PIK3C2G: variants seen among roughly 807,000 people sequenced by gnomAD.
PIK3C2G encodes phosphatidylinositol-4-phosphate 3-kinase catalytic subunit type 2 gamma, also known as phosphatidylinositol 3-kinase C2 domain-containing subunit gamma.
In PIK3C2G, 168 loss-of-function variants were observed where a neutral mutation model predicts 181.1. That is an observed-to-expected ratio of 0.93 (90% CI 0.82 to 1.05). PIK3C2G has a LOEUF of 1.05. Among genes scored for constraint, PIK3C2G ranks in the 50% least tolerant of loss-of-function variants. The pLI, the probability that PIK3C2G is intolerant of heterozygous loss-of-function variation, is 0.00. For missense variants in PIK3C2G, 1,869 were observed against 1,732.8 expected (o/e 1.08, Z -1.40); for synonymous variants, 573 against 592.2 (o/e 0.97, Z 0.47).
the PIK3C2G span, among the ~76,000 whole-genome samples, chr12:18,716,693 C>A: frequency 9.9e-5 from 15 of 152,206 alleles, no homozygotes; most frequent in African/African-American, 3.6e-4. Flanking sequence ...GAAATTTCCA[C>A]TCTTAACTTT....
At chr12:18,429,842 C>T (rs930877278) in intron 18 of PIK3C2G, among the ~76,000 whole-genome samples, 4 of 152,200 alleles carry the variant, frequency 2.6e-5, no homozygotes, top group African/African-American at 7.2e-5. Context: ...CTGCTGCACC[C>T]ACTCCCATCT....
intron 1 of PIK3C2G, among the ~76,000 whole-genome samples, chr12:18,272,080 T>C (rs1224026364): frequency 6.6e-6 from 1 of 152,242 alleles, no homozygotes; most frequent in East Asian, 1.9e-4. Context: ...TGTACTTTTC[T>C]ATATAATTTC....
chr12:18,675,976 T>C, the PIK3C2G span, among the ~76,000 whole-genome samples: 761 of 151,830 alleles, frequency 5.0e-3, 3 homozygotes, highest in African/African-American at 0.017. Context: ...TATAGCCAGG[T>C]AACAAGCCTG....
At chr12:18,622,690 C>T (rs1485555368) in intron 31 of PIK3C2G, among the ~76,000 whole-genome samples, 1 of 151,794 alleles carries the variant, frequency 6.6e-6, no homozygotes, top group Non-Finnish European at 1.5e-5. Flanking sequence ...CAAGGGTTCC[C>T]TTTTCTCCAC....
intron 30 of PIK3C2G, among the ~76,000 whole-genome samples, chr12:18,597,578 C>T (rs2136513303): frequency 6.6e-6 from 1 of 152,116 alleles, no homozygotes; most frequent in South Asian, 2.1e-4. Flanking sequence ...GAAAACACAC[C>T]TATATTTTAT....
At chr12:18,405,494 A>C (rs1944478405) in intron 16 of PIK3C2G, among the ~76,000 whole-genome samples, 2 of 151,814 alleles carry the variant, frequency 1.3e-5, no homozygotes, top group Non-Finnish European at 2.9e-5. Flanking sequence ...ATCTCGGTTC[A>C]CAGCAACCTC....
At chr12:18,396,748 T>C (rs1470909961) in intron 15 of PIK3C2G, among the ~76,000 whole-genome samples, 1 of 151,518 alleles carries the variant, frequency 6.6e-6, no homozygotes, top group African/African-American at 2.4e-5. Context: ...TACAGAAAAG[T>C]GCAAAACTTT....
chr12:18,707,242 A>G, the PIK3C2G span, among the ~76,000 whole-genome samples: 1 of 152,172 alleles, frequency 6.6e-6, no homozygotes, highest in African/African-American at 2.4e-5. Flanking sequence ...TATTTTTGGA[A>G]GCCCTTATTT....
chr12:18,616,712 A>G (rs972220328), intron 31 of PIK3C2G, among the ~76,000 whole-genome samples: 3 of 152,034 alleles, frequency 2.0e-5, no homozygotes, highest in Non-Finnish European at 4.4e-5. Context: ...TCAGTTTTAC[A>G]TTCTGACCTA....
rs1940456088 is a variant in PIK3C2G, at chr12:18,353,803, C to A, written c.1625+6967C>A. Among the ~76,000 whole-genome samples the A allele has an allele frequency of 2.0e-5, 3 of 152,178 alleles. No individual in the cohort carries two copies. In the South Asian group the frequency reaches 6.2e-4, roughly 32 times the overall value. ...ATAGAGATGTGTGCTTTACCAAGGC[C>A]TCTCAGCCTTTCCAGAAAGGCAGTG... On this transcript the variant is annotated intron_variant, in intron 11 of 32. Transcript: ENST00000538779.
Position 18,328,188 on chromosome 12 carries a change from C to T in PIK3C2G, c.1272+3090C>T, listed in dbSNP as rs574218037. Among the ~76,000 whole-genome samples the T allele has an allele frequency of 2.0e-4, 31 of 151,952 alleles. No homozygotes were observed. In the East Asian group the frequency reaches 5.2e-3, roughly 26 times the overall value. On this transcript the variant is annotated intron_variant, in intron 8 of 32. Transcript: ENST00000538779. ...AATGTGGTTTAGCTTCATGAAACATCGATCTGGTCAGAAAATAACTGAGAA... is the reference window on the plus strand; with the variant it reads ...AATGTGGTTTAGCTTCATGAAACATTGATCTGGTCAGAAAATAACTGAGAA...
chr12:18,657,631 C>T, the PIK3C2G span, among the ~76,000 whole-genome samples: 1 of 152,200 alleles, frequency 6.6e-6, no homozygotes, highest in African/African-American at 2.4e-5. Context: ...ACAATGAATA[C>T]ATACTTTAAA....
intron 7 of PIK3C2G, among the ~76,000 whole-genome samples, chr12:18,323,028 G>A (rs1269616312): frequency 6.6e-6 from 1 of 152,152 alleles, no homozygotes; most frequent in Non-Finnish European, 1.5e-5. Context: ...TGGGTTGGTG[G>A]AGGGTTGTTG....
At chr12:18,462,514 C>T (rs747597829) in intron 18 of PIK3C2G, among the ~76,000 whole-genome samples, 2 of 152,078 alleles carry the variant, frequency 1.3e-5, no homozygotes, top group Non-Finnish European at 2.9e-5. Flanking sequence ...TGCATTATCT[C>T]GACTATCTTA....
chr12:18,660,206 G>C, the PIK3C2G span, among the ~76,000 whole-genome samples: 1 of 152,068 alleles, frequency 6.6e-6, no homozygotes, highest in Non-Finnish European at 1.5e-5. Context: ...CTCAGCAGTG[G>C]CTATCCATCC....
chr12:18,684,611 A>G, the PIK3C2G span, among the ~76,000 whole-genome samples: 1 of 152,230 alleles, frequency 6.6e-6, no homozygotes, highest in East Asian at 1.9e-4. Flanking sequence ...CAGATCAGGA[A>G]TTCAAAAACG....
At position 18,503,286 on chromosome 12, in the gene PIK3C2G, G is replaced by T; in HGVS notation, c.3022G>T (p.Val1008Leu). 6.2e-7 allele frequency: 1 copy of T among 1,605,102 alleles called. No individual in the cohort carries two copies. Among genetic ancestry groups the T allele is most frequent in the Non-Finnish European group, 8.5e-7 (1 of 1,176,048 alleles). The change falls in exon 23 of 33, where the codon GTG (valine) becomes TTG (leucine). Residue 1008 changes from valine (V) to leucine (L), a missense_variant. Val to Leu is a conservative substitution (Grantham distance 32, BLOSUM62 1). Coordinates refer to ENST00000538779, the MANE Select transcript of PIK3C2G (RefSeq NM_001288772.2). ...CLSTGKDQGL[V>L]QMVPDAVTLA... ...ATCTTTTTTTTCTCTACCAGGATTG[G>T]TGCAGATGGTACCTGATGCTGTGAC...
the PIK3C2G span, among the ~76,000 whole-genome samples, chr12:18,661,816 C>CT: frequency 6.6e-6 from 1 of 152,026 alleles, no homozygotes; most frequent in Non-Finnish European, 1.5e-5. Flanking sequence ...ATAAATTGTT[C>CT]TACCGTTGTA....
At chr12:18,255,729 G>A (rs911627661) in intron 1 of PIK3C2G, among the ~76,000 whole-genome samples, 1 of 152,198 alleles carries the variant, frequency 6.6e-6, no homozygotes, top group Non-Finnish European at 1.5e-5. Flanking sequence ...CCTTTGGCTA[G>A]TTAGCCATCA....
Sources: gnomAD v4.1 joint callset for allele counts (sites outside exome capture counted in the v4.1 genomes callset) on GRCh38, gnomAD v4.1.1 for gene constraint, MANE v1.5 for transcripts, NCBI Gene and HGNC (gene_info 2026-07-23, HGNC 2026-07-21) for gene names.